PATJ: variants seen among roughly 807,000 people sequenced by gnomAD.
PATJ encodes the protein PATJ crumbs cell polarity complex component.
In PATJ, 190 loss-of-function variants were observed where a neutral mutation model predicts 224.9. The ratio of observed to expected loss-of-function variants is 0.84; its 90% confidence interval spans 0.75 to 0.95. The LOEUF (loss-of-function observed/expected upper bound fraction) is 0.95, where lower values mean the gene tolerates loss of function less well. PATJ is among the 40% of genes least tolerant of loss of function. The probability of loss-of-function intolerance (pLI) is 0.00; values close to 1 mark genes in which losing one functional copy is unlikely to be tolerated. For missense variants in PATJ, 2,121 were observed against 2,270.3 expected, an observed-to-expected ratio of 0.93 and a Z score of 1.34; for synonymous variants, 769 against 820.3, an observed-to-expected ratio of 0.94 and a Z score of 1.07.
intron 20 of PATJ, among the ~76,000 whole-genome samples, chr1:61,871,561 T>A (rs75229550): frequency 0.19 from 3,124 of 16,090 alleles, 38 homozygotes; most frequent in East Asian, 0.39. Context: ...ATATATATTT[T>A]TTTTTTTTTT....
At chr1:61,957,935 T>C (rs1378955513) in intron 27 of PATJ, among the ~76,000 whole-genome samples, 1 of 152,232 alleles carries the variant, frequency 6.6e-6, no homozygotes, top group Non-Finnish European at 1.5e-5. Flanking sequence ...TTTGATTTTC[T>C]TTTCTACAAA....
intron 26 of PATJ, among the ~76,000 whole-genome samples, chr1:61,920,413 G>A (rs184509783): frequency 1.6e-3 from 236 of 152,130 alleles, no homozygotes; most frequent in African/African-American, 5.5e-3. Context: ...CTCTCTCTTT[G>A]CCTGCCACCA....
chr1:62,037,943 G>C (rs540892550), intron 29 of PATJ, 34 bp from the exon 30 acceptor site: 1 of 1,456,724 alleles, frequency 6.9e-7, no homozygotes, highest in Non-Finnish European at 9.5e-7. Context: ...AGCATTTACT[G>C]TGTACTGATT....
At chr1:62,003,546 T>G (rs1558024515) in intron 28 of PATJ, among the ~76,000 whole-genome samples, 1 of 152,240 alleles carries the variant, frequency 6.6e-6, no homozygotes, top group Non-Finnish European at 1.5e-5. Context: ...GTGGAAGATC[T>G]TACTTCAGCA....
chr1:61,932,376 C>T lies in PATJ; in HGVS notation c.3670+4547C>T, dbSNP rs188024157. Among the ~76,000 whole-genome samples the T allele has an allele frequency of 7.9e-5, 12 of 152,284 alleles. No individual in the cohort carries two copies. The East Asian group carries it at 1.3e-3, about 17-fold the overall frequency. The stretch of plus-strand genomic sequence containing the variant: ...TTACTTAGGAGTAGTGTGTAGACAG[C>T]AACAAGAAGCAAACCCAGCACCTGC... On this transcript the variant is annotated intron_variant, in intron 27 of 43. Coordinates refer to ENST00000642238, the MANE Select transcript of PATJ (RefSeq NM_001350145.3).
intron 1 of PATJ, among the ~76,000 whole-genome samples, chr1:61,746,934 G>C (rs1645052275): frequency 6.6e-6 from 1 of 152,186 alleles, no homozygotes; most frequent in Non-Finnish European, 1.5e-5. Flanking sequence ...GTGATTCTGA[G>C]ACAATGACTC....
At chr1:61,969,814 C>T (rs999191743) in intron 27 of PATJ, among the ~76,000 whole-genome samples, 32 of 152,206 alleles carry the variant, frequency 2.1e-4, no homozygotes, top group East Asian at 7.7e-4. Context: ...GTGCCTCAGC[C>T]GCCTGAGTAG....
intron 27 of PATJ, among the ~76,000 whole-genome samples, chr1:61,965,950 G>A (rs1257881422): frequency 6.6e-6 from 1 of 152,138 alleles, no homozygotes; most frequent in Non-Finnish European, 1.5e-5. Context: ...CTCCCAGGCT[G>A]GAGTGCAATG....
intron 41 of PATJ, 28 bp downstream of exon 41, chr1:62,128,973 G>T (rs1304278756): frequency 1.4e-6 from 2 of 1,447,630 alleles, no homozygotes; most frequent in Non-Finnish European, 1.9e-6. Context: ...GCACGCAGCT[G>T]TGCAAGGCAG....
At chr1:61,775,487 A>T (rs1272701634) in intron 7 of PATJ, among the ~76,000 whole-genome samples, 153 bp downstream of exon 7, 3 of 152,256 alleles carry the variant, frequency 2.0e-5, no homozygotes, top group Non-Finnish European at 2.9e-5. Flanking sequence ...AAGTATTATT[A>T]GGCTACACTC....
At chr1:62,152,077 A>G (rs576072965) in intron 42 of PATJ, among the ~76,000 whole-genome samples, 1 of 152,312 alleles carries the variant, frequency 6.6e-6, no homozygotes, top group East Asian at 1.9e-4. Context: ...GTTCTCATCT[A>G]CACAGTCATG....
chr1:61,762,380 T>G (rs1646017548), intron 1 of PATJ, among the ~76,000 whole-genome samples: 1 of 152,188 alleles, frequency 6.6e-6, no homozygotes, highest in Non-Finnish European at 1.5e-5. Context: ...TTTCTGAATA[T>G]TATATACCAT....
At chr1:62,037,947 A>C (rs1371820801) in intron 29 of PATJ, 30 bp from the exon 30 acceptor site, 1 of 1,521,768 alleles carries the variant, frequency 6.6e-7, no homozygotes, top group East Asian at 2.3e-5. Flanking sequence ...TTTACTGTGT[A>C]CTGATTCTGC....
At chr1:61,774,237 C>G (rs571830655) in intron 6 of PATJ, among the ~76,000 whole-genome samples, 3 of 151,788 alleles carry the variant, frequency 2.0e-5, no homozygotes, top group Non-Finnish European at 4.4e-5. Context: ...CTGACATGAG[C>G]TCTGATCATG....
intron 27 of PATJ, among the ~76,000 whole-genome samples, chr1:61,988,971 A>G (rs1644915620): frequency 6.6e-6 from 1 of 152,226 alleles, no homozygotes; most frequent in African/African-American, 2.4e-5. Context: ...GTTATTTAAA[A>G]GCTGATGAGA....
intron 43 of PATJ, among the ~76,000 whole-genome samples, chr1:62,159,252 G>C (rs1251898136): frequency 1.3e-5 from 2 of 152,072 alleles, no homozygotes; most frequent in Non-Finnish European, 2.9e-5. Flanking sequence ...AGTGCAATGG[G>C]ATGATCTCAG....
At chr1:61,763,545 A>C (rs1646090447) in intron 3 of PATJ, among the ~76,000 whole-genome samples, 1 of 152,102 alleles carries the variant, frequency 6.6e-6, no homozygotes, top group Admixed American at 6.6e-5. Flanking sequence ...AAAAAAAAAA[A>C]AAAATTGTGT....
At chr1:61,749,012 A>G (rs1166954011) in intron 1 of PATJ, among the ~76,000 whole-genome samples, 1 of 151,244 alleles carries the variant, frequency 6.6e-6, no homozygotes, top group Admixed American at 6.6e-5. Flanking sequence ...CCTGAGATGG[A>G]GTTGCCCAGG....
chr1:61,997,075 A>C (rs1412679303), intron 28 of PATJ, among the ~76,000 whole-genome samples: 1 of 145,952 alleles, frequency 6.9e-6, no homozygotes, highest in East Asian at 1.9e-4. Flanking sequence ...AAGTGTAAAA[A>C]TAAATTGATC....
Sources: allele counts gnomAD v4.1 joint callset (sites outside exome capture counted in the v4.1 genomes callset), GRCh38; gene constraint gnomAD v4.1.1; transcripts MANE v1.5; gene names NCBI Gene and HGNC (gene_info 2026-07-23, HGNC 2026-07-21).